GRIK1: variants seen among roughly 807,000 people sequenced by gnomAD.
GRIK1 encodes the protein glutamate ionotropic receptor kainate type subunit 1, also known as glutamate receptor ionotropic, kainate 1.
A neutral mutation model predicts 105.7 loss-of-function variants in GRIK1; 69 were observed. That is an observed-to-expected ratio of 0.65 (90% confidence interval 0.54 to 0.80). The LOEUF is 0.80. Among genes scored for constraint, GRIK1 ranks in the 30% least tolerant of loss-of-function variants. GRIK1 has a pLI of 0.00. For synonymous variants in GRIK1, 438 were observed against 431.3 expected (o/e 1.02, Z -0.19); for missense variants, 1,109 against 1,167.3 (o/e 0.95, Z 0.73).
intron 1 of GRIK1, among the ~76,000 whole-genome samples, chr21:29,759,860 C>T (rs1460269953): frequency 6.6e-6 from 1 of 152,210 alleles, no homozygotes; most frequent in African/African-American, 2.4e-5. Flanking sequence ...TTGTCCTAGG[C>T]TATCTCAATA....
At chr21:29,667,956 T>G (rs971627502) in intron 4 of GRIK1, among the ~76,000 whole-genome samples, 1 of 152,230 alleles carries the variant, frequency 6.6e-6, no homozygotes. Context: ...AAAGCCTTTC[T>G]TTCAGGTAAC....
chr21:29,923,979 G>C (rs2071271010), intron 1 of GRIK1, among the ~76,000 whole-genome samples: 1 of 152,064 alleles, frequency 6.6e-6, no homozygotes, highest in Non-Finnish European at 1.5e-5. Flanking sequence ...CAAAATCTTA[G>C]GAAAACAAGA....
intron 3 of GRIK1, among the ~76,000 whole-genome samples, chr21:29,688,406 C>T (rs2063524429): frequency 6.6e-6 from 1 of 152,128 alleles, no homozygotes; most frequent in Non-Finnish European, 1.5e-5. Flanking sequence ...CAGTGAAAAG[C>T]GAAACCGTAT....
chr21:29,897,350 ACG>A (rs1255727297), intron 1 of GRIK1, among the ~76,000 whole-genome samples: 1 of 152,208 alleles, frequency 6.6e-6, no homozygotes, highest in Non-Finnish European at 1.5e-5. Context: ...AATGATCCTG[ACG>A]TTGAAATATT....
chr21:29,849,406 A>G (rs548651762), intron 1 of GRIK1, among the ~76,000 whole-genome samples: 1 of 152,348 alleles, frequency 6.6e-6, no homozygotes, highest in South Asian at 2.1e-4. Context: ...ATGAGATAAA[A>G]TCAGTCGAGC....
intron 15 of GRIK1, among the ~76,000 whole-genome samples, chr21:29,559,456 A>G (rs777582737): frequency 2.0e-5 from 3 of 152,182 alleles, no homozygotes; most frequent in Non-Finnish European, 4.4e-5. Context: ...GGCAAAATAT[A>G]CACTTCACTA....
intron 1 of GRIK1, among the ~76,000 whole-genome samples, chr21:29,886,255 C>A (rs539645529): frequency 9.9e-5 from 15 of 152,242 alleles, no homozygotes; most frequent in Admixed American, 6.5e-4. Flanking sequence ...ATGCATTTTG[C>A]TTTCATCCAG....
chr21:29,756,466 C>CA (rs1172528301), intron 1 of GRIK1, among the ~76,000 whole-genome samples: 1 of 152,122 alleles, frequency 6.6e-6, no homozygotes, highest in Non-Finnish European at 1.5e-5. Context: ...GTGTGAGTAG[C>CA]AAAATCACAT....
chr21:29,935,157 C>G (rs756948927), intron 1 of GRIK1, among the ~76,000 whole-genome samples: 13 of 152,184 alleles, frequency 8.5e-5, no homozygotes, highest in Non-Finnish European at 1.8e-4. Flanking sequence ...CACTTGGAAG[C>G]TAGAACCTAT....
At chr21:29,669,643 C>T (rs748405678) in intron 4 of GRIK1, among the ~76,000 whole-genome samples, 2 of 152,098 alleles carry the variant, frequency 1.3e-5, no homozygotes, top group African/African-American at 4.8e-5. Flanking sequence ...CCTGTCTGAG[C>T]GTCAGTTGCC....
At chr21:29,542,847 C>T (rs1480927147) in intron 16 of GRIK1, among the ~76,000 whole-genome samples, 2 of 152,166 alleles carry the variant, frequency 1.3e-5, no homozygotes, top group Non-Finnish European at 2.9e-5. Flanking sequence ...CTTTAATAGG[C>T]TCCTTATTCA....
At chr21:29,891,710 AG>A (rs765623326) in intron 1 of GRIK1, among the ~76,000 whole-genome samples, 54 of 152,296 alleles carry the variant, frequency 3.5e-4, no homozygotes, top group Non-Finnish European at 6.6e-4. Context: ...GGTTAGGTAT[AG>A]GGAAAAAAGG....
chr21:29,929,833 T>C (rs2071506901), intron 1 of GRIK1, among the ~76,000 whole-genome samples: 2 of 152,152 alleles, frequency 1.3e-5, no homozygotes, highest in Admixed American at 6.6e-5. Context: ...TCCAAGGGAA[T>C]TGAAATAAGC....
At chr21:29,863,150 T>C (rs1307578755) in intron 1 of GRIK1, among the ~76,000 whole-genome samples, 1 of 152,236 alleles carries the variant, frequency 6.6e-6, no homozygotes, top group Non-Finnish European at 1.5e-5. Flanking sequence ...CATATTCTGA[T>C]ACTTCAATAA....
intron 4 of GRIK1, among the ~76,000 whole-genome samples, chr21:29,659,332 A>C (rs555178104): frequency 1.3e-5 from 2 of 152,224 alleles, no homozygotes; most frequent in South Asian, 4.1e-4. Context: ...AATGAAAAAA[A>C]GTTTCCAACA....
At chr21:29,926,488 C>T (rs1382897035) in intron 1 of GRIK1, among the ~76,000 whole-genome samples, 1 of 152,140 alleles carries the variant, frequency 6.6e-6, no homozygotes, top group Admixed American at 6.5e-5. Flanking sequence ...AGAATTGTGG[C>T]TTGCTTACTG....
chr21:29,597,740 AAT>A (rs2061443417), intron 8 of GRIK1: 3 of 350,978 alleles, frequency 8.5e-6, no homozygotes, highest in Non-Finnish European at 1.9e-5. Flanking sequence ...ACTGCAAACA[AAT>A]TATTTTCCTC....
At chr21:29,742,529 C>T (rs1020705659) in intron 1 of GRIK1, among the ~76,000 whole-genome samples, 1 of 152,184 alleles carries the variant, frequency 6.6e-6, no homozygotes, top group Non-Finnish European at 1.5e-5. Context: ...TTAATCAATG[C>T]TGAATAATAA....
intron 1 of GRIK1, among the ~76,000 whole-genome samples, chr21:29,818,364 G>A (rs1165269989): frequency 6.6e-6 from 1 of 152,006 alleles, no homozygotes; most frequent in African/African-American, 2.4e-5. Flanking sequence ...AAGGAAAGGA[G>A]CCAGATTTTT....
Sources: allele counts gnomAD v4.1 joint callset (sites outside exome capture counted in the v4.1 genomes callset), GRCh38; gene constraint gnomAD v4.1.1; transcripts MANE v1.5; gene names NCBI Gene and HGNC (gene_info 2026-07-23, HGNC 2026-07-21).